SUGCT: variants seen among roughly 807,000 people sequenced by gnomAD.
The protein encoded by SUGCT is succinyl-CoA:glutarate-CoA transferase, also known as succinyl-CoA:glutarate CoA-transferase.
SUGCT carries 41 observed loss-of-function variants against 55.0 expected under a neutral mutation model. That is an observed-to-expected ratio of 0.74 (90% CI 0.58 to 0.97). The LOEUF (loss-of-function observed/expected upper bound fraction) is 0.97. Ranked by LOEUF, SUGCT falls within the 50% of genes least tolerant of loss-of-function variation. The pLI is 0.00. For missense variants in SUGCT, 568 were observed against 547.8 expected (o/e 1.04, Z -0.37); for synonymous variants, 187 against 200.4 (o/e 0.93, Z 0.56).
intron 13 of SUGCT, among the ~76,000 whole-genome samples, chr7:40,759,037 C>T (rs989837558): frequency 3.9e-4 from 59 of 152,000 alleles, no homozygotes; most frequent in African/African-American, 1.4e-3. Flanking sequence ...GCATTTGAGG[C>T]GTGGATGTGG....
intron 1 of SUGCT, among the ~76,000 whole-genome samples, chr7:40,161,823 A>G (rs1007904942): frequency 5.3e-5 from 8 of 152,206 alleles, no homozygotes; most frequent in Admixed American, 3.9e-4. Context: ...TGTGCATTCT[A>G]TAACTGTAGG....
intron 9 of SUGCT, among the ~76,000 whole-genome samples, chr7:40,374,801 A>G (rs750733280): frequency 2.0e-5 from 3 of 152,204 alleles, no homozygotes; most frequent in Non-Finnish European, 2.9e-5. Flanking sequence ...CACACAAACA[A>G]GAACATGGTG....
chr7:40,393,461 A>C (rs868782986), intron 9 of SUGCT, among the ~76,000 whole-genome samples: 1 of 152,136 alleles, frequency 6.6e-6, no homozygotes, highest in African/African-American at 2.4e-5. Flanking sequence ...TGTAGAAGTA[A>C]ATGTTGGATT....
chr7:40,375,843 A>G (rs1784516933), intron 9 of SUGCT, among the ~76,000 whole-genome samples: 1 of 152,186 alleles, frequency 6.6e-6, no homozygotes, highest in South Asian at 2.1e-4. Context: ...AGGGAGTTTG[A>G]ATTCAGAGTC....
chr7:41,020,933 G>A, the SUGCT span, among the ~76,000 whole-genome samples: 1 of 152,234 alleles, frequency 6.6e-6, no homozygotes, highest in African/African-American at 2.4e-5. Flanking sequence ...CATTTAGATA[G>A]ATGTCCTGCA....
At chr7:40,136,101 A>G (rs982361888) in intron 1 of SUGCT, among the ~76,000 whole-genome samples, 1 of 150,800 alleles carries the variant, frequency 6.6e-6, no homozygotes, top group African/African-American at 2.4e-5. Context: ...GGTTCAAGCG[A>G]TTCTCTTGCC....
rs568873287 is a variant in SUGCT, at chr7:40,295,016, T to C, written c.720+20360T>C. On this transcript the variant is annotated intron_variant, in intron 8 of 13. Transcript: ENST00000335693. ...TGTGTTTTATTAGTGTACGTGCAAA[T>C]CATTTACACAAATGATTGAAATGTG... is the stretch of plus-strand genomic sequence containing the variant. Among the ~76,000 whole-genome samples the C allele has an allele frequency of 2.0e-5, 3 of 152,298 alleles. No homozygotes were observed. In the South Asian group the frequency reaches 6.2e-4, roughly 32 times the overall value.
At chr7:40,749,851 A>G (rs952342978) in intron 13 of SUGCT, among the ~76,000 whole-genome samples, 4 of 152,176 alleles carry the variant, frequency 2.6e-5, no homozygotes, top group African/African-American at 9.7e-5. Context: ...TTCATATGAG[A>G]ATTGGAAAGA....
intron 13 of SUGCT, among the ~76,000 whole-genome samples, chr7:40,816,629 G>A (rs1791683701): frequency 6.6e-6 from 1 of 152,166 alleles, no homozygotes; most frequent in Non-Finnish European, 1.5e-5. Flanking sequence ...TTGAATGAAA[G>A]TTCACAGAGT....
chr7:40,787,660 C>CAAAAAAAAAA (rs55764379), intron 13 of SUGCT, among the ~76,000 whole-genome samples: 6 of 48,426 alleles, frequency 1.2e-4, no homozygotes, highest in African/African-American at 3.6e-4. Context: ...AAATTTTGAC[C>CAAAAAAAAAA]AAAAAAAAAA....
chr7:40,508,257 G>C (rs1792718119), intron 12 of SUGCT, among the ~76,000 whole-genome samples: 1 of 152,166 alleles, frequency 6.6e-6, no homozygotes, highest in Non-Finnish European at 1.5e-5. Flanking sequence ...CTACAATTAA[G>C]CTGTAACAGG....
chr7:40,904,760 G>A, the SUGCT span, among the ~76,000 whole-genome samples: 1 of 152,114 alleles, frequency 6.6e-6, no homozygotes, highest in African/African-American at 2.4e-5. Flanking sequence ...GGTAGAGGAT[G>A]GAGATTTAGG....
chr7:41,000,283 GAC>G, the SUGCT span, among the ~76,000 whole-genome samples: 4 of 151,758 alleles, frequency 2.6e-5, no homozygotes, highest in South Asian at 2.1e-4. Context: ...CACACGCACG[GAC>G]ACACACACAC....
At chr7:40,441,843 GGA>G (rs1041401910) in intron 9 of SUGCT, among the ~76,000 whole-genome samples, 12 of 152,096 alleles carry the variant, frequency 7.9e-5, no homozygotes, top group African/African-American at 2.9e-4. Context: ...GCAGGCTGAG[GGA>G]GAGGGATTTG....
At chr7:40,560,725 T>C (rs1386459922) in intron 12 of SUGCT, among the ~76,000 whole-genome samples, 2 of 152,234 alleles carry the variant, frequency 1.3e-5, no homozygotes, top group African/African-American at 4.8e-5. Flanking sequence ...AAAACTTGCA[T>C]GGTAAAAGTT....
At position 40,860,567 on chromosome 7, in the gene SUGCT, T is replaced by C. The variant is rs1221997746; in HGVS notation, c.*88T>C. 31 of 1,389,958 alleles carry C rather than the reference T, an allele frequency of 2.2e-5. No homozygotes were observed. The highest frequency in any genetic ancestry group is 2.9e-5 in the Non-Finnish European group (30 of 1,037,768). 86.1% of individuals were successfully genotyped at this position (1,389,958 alleles called of 1,614,324 possible). On this transcript the variant is annotated 3_prime_UTR_variant, in exon 14 of 14. Transcript: ENST00000335693. ...CTTGGACCCTTCTCCCCAGTTCTGATACCACTAAAAAGAAGATTTAGAGTA... is the reference window on the plus strand; with the variant it reads ...CTTGGACCCTTCTCCCCAGTTCTGACACCACTAAAAAGAAGATTTAGAGTA...
At chr7:40,834,635 G>A (rs1286883533) in intron 13 of SUGCT, among the ~76,000 whole-genome samples, 1 of 152,100 alleles carries the variant, frequency 6.6e-6, no homozygotes. Context: ...CTGGAACATG[G>A]CACTTAATTT....
chr7:40,563,048 C>G (rs1462337170), intron 12 of SUGCT, among the ~76,000 whole-genome samples: 1 of 152,124 alleles, frequency 6.6e-6, no homozygotes, highest in South Asian at 2.1e-4. Context: ...ACTCCTTCCC[C>G]TCTTCCTCCG....
intron 12 of SUGCT, among the ~76,000 whole-genome samples, chr7:40,731,907 T>C (rs1424061303): frequency 6.6e-6 from 1 of 152,196 alleles, no homozygotes; most frequent in African/African-American, 2.4e-5. Flanking sequence ...GACCAGAAGA[T>C]TGATTCCGGT....
Sources: allele counts gnomAD v4.1 joint callset (sites outside exome capture counted in the v4.1 genomes callset), GRCh38; gene constraint gnomAD v4.1.1; transcripts MANE v1.5; gene names NCBI Gene and HGNC (gene_info 2026-07-23, HGNC 2026-07-21).